The following GUCY1A2 variants were observed in gnomAD, a reference collection of about 807,000 sequenced individuals.
GUCY1A2 encodes the protein guanylate cyclase soluble subunit alpha-2.
A neutral mutation model predicts 63.5 loss-of-function variants in GUCY1A2; 27 were observed. That is an observed-to-expected ratio of 0.43 (90% CI 0.31 to 0.59). The LOEUF (loss-of-function observed/expected upper bound fraction) is 0.59. Among genes scored for constraint, GUCY1A2 ranks in the 20% least tolerant of loss-of-function variants. The pLI, the probability that GUCY1A2 is intolerant of heterozygous loss-of-function variation, is 0.11. For missense variants in GUCY1A2, 768 were observed against 913.3 expected, an observed-to-expected ratio of 0.84 and a Z score of 2.05; for synonymous variants, 364 against 343.5, an observed-to-expected ratio of 1.06 and a Z score of -0.66.
intron 6 of GUCY1A2, among the ~76,000 whole-genome samples, chr11:106,772,981 T>G (rs528928815): frequency 1.3e-5 from 2 of 152,332 alleles, no homozygotes; most frequent in East Asian, 3.9e-4. Context: ...TGCTCCATAT[T>G]TTCCCATTTT....
At chr11:106,774,444 T>C (rs955577980) in intron 6 of GUCY1A2, among the ~76,000 whole-genome samples, 1 of 152,150 alleles carries the variant, frequency 6.6e-6, no homozygotes, top group Admixed American at 6.5e-5. Flanking sequence ...ACTTTTATAA[T>C]TTATCAATTG....
intron 6 of GUCY1A2, among the ~76,000 whole-genome samples, chr11:106,717,851 G>A (rs2135360405): frequency 6.6e-6 from 1 of 151,990 alleles, no homozygotes; most frequent in Admixed American, 6.6e-5. Flanking sequence ...TTACATTTTT[G>A]TCTCATTCTT....
intron 6 of GUCY1A2, among the ~76,000 whole-genome samples, chr11:106,728,547 G>C (rs180984957): frequency 9.2e-5 from 14 of 152,158 alleles, no homozygotes; most frequent in African/African-American, 3.4e-4. Context: ...AAGCCATGTG[G>C]ATGTGCAGAT....
intron 7 of GUCY1A2, among the ~76,000 whole-genome samples, chr11:106,696,053 G>A (rs1862713294): frequency 6.6e-6 from 1 of 152,064 alleles, no homozygotes; most frequent in African/African-American, 2.4e-5. Context: ...TTAAGTATAG[G>A]TTCATACTCT....
intron 1 of GUCY1A2, among the ~76,000 whole-genome samples, chr11:107,002,388 GGTGT>G (rs71044205): frequency 3.6e-4 from 53 of 149,116 alleles, no homozygotes; most frequent in East Asian, 5.9e-4. Context: ...AATAAGAACA[GGTGT>G]GTGTGTGTGT....
chr11:106,691,133 CA>C (rs1182620454), intron 7 of GUCY1A2, among the ~76,000 whole-genome samples: 3 of 152,084 alleles, frequency 2.0e-5, no homozygotes, highest in Non-Finnish European at 4.4e-5. Flanking sequence ...TCATTGATGT[CA>C]ATCAATCAAA....
At chr11:106,978,597 T>C (rs546712606) in intron 3 of GUCY1A2, 22 bp downstream of exon 3, 4 of 1,392,206 alleles carry the variant, frequency 2.9e-6, no homozygotes, top group African/African-American at 1.5e-5. Flanking sequence ...CTCATCCATA[T>C]AAATATATAT....
chr11:107,015,683 A>G (rs187138777), intron 1 of GUCY1A2, among the ~76,000 whole-genome samples: 160 of 151,998 alleles, frequency 1.1e-3, no homozygotes, highest in Non-Finnish European at 1.7e-3. Context: ...CTGTTGTACT[A>G]AATAACTATT....
At chr11:106,933,743 T>C (rs1860637431) in intron 4 of GUCY1A2, among the ~76,000 whole-genome samples, 1 of 152,088 alleles carries the variant, frequency 6.6e-6, no homozygotes, top group Non-Finnish European at 1.5e-5. Context: ...TACATATATA[T>C]CATGGAATAT....
At chr11:106,929,827 T>G (rs1005484188) in intron 4 of GUCY1A2, among the ~76,000 whole-genome samples, 3 of 152,170 alleles carry the variant, frequency 2.0e-5, no homozygotes, top group African/African-American at 7.2e-5. Flanking sequence ...GGTTTTGCCT[T>G]CTGAAACAAA....
At chr11:106,780,512 A>T (rs1289997597) in intron 5 of GUCY1A2, among the ~76,000 whole-genome samples, 17 of 152,176 alleles carry the variant, frequency 1.1e-4, no homozygotes, top group South Asian at 1.0e-3. Flanking sequence ...AACAATGCTA[A>T]CAGAACCTCC....
chr11:106,733,961 T>C (rs1863546392), intron 6 of GUCY1A2, among the ~76,000 whole-genome samples: 2 of 152,152 alleles, frequency 1.3e-5, no homozygotes, highest in African/African-American at 4.8e-5. Context: ...TGGCCACATG[T>C]AGACTGTAGG....
At chr11:106,755,958 C>A (rs1863966014) in intron 6 of GUCY1A2, among the ~76,000 whole-genome samples, 1 of 152,162 alleles carries the variant, frequency 6.6e-6, no homozygotes, top group East Asian at 1.9e-4. Flanking sequence ...GTTAAATTCT[C>A]CGATTACTAA....
intron 3 of GUCY1A2, among the ~76,000 whole-genome samples, chr11:106,942,417 T>C (rs770519330): frequency 2.6e-5 from 4 of 152,198 alleles, no homozygotes; most frequent in Non-Finnish European, 5.9e-5. Flanking sequence ...TAAATTTATA[T>C]ACACATTCAA....
intron 4 of GUCY1A2, among the ~76,000 whole-genome samples, chr11:106,932,306 T>C (rs994157703): frequency 6.6e-6 from 1 of 152,176 alleles, no homozygotes; most frequent in East Asian, 1.9e-4. Flanking sequence ...TAATTCATCA[T>C]GTAATCATGT....
At chr11:106,751,400 C>A (rs1007527938) in intron 6 of GUCY1A2, among the ~76,000 whole-genome samples, 4 of 152,036 alleles carry the variant, frequency 2.6e-5, no homozygotes. Flanking sequence ...AAGACTCTTT[C>A]GAAGTTTTAT....
chr11:106,800,434 C>G (rs959004034), intron 5 of GUCY1A2, among the ~76,000 whole-genome samples: 4 of 152,140 alleles, frequency 2.6e-5, no homozygotes, highest in Non-Finnish European at 5.9e-5. Flanking sequence ...AAGACACATG[C>G]ACACATATGT....
At chr11:106,968,196 T>C (rs1296366426) in intron 3 of GUCY1A2, among the ~76,000 whole-genome samples, 1 of 152,168 alleles carries the variant, frequency 6.6e-6, no homozygotes, top group Non-Finnish European at 1.5e-5. Context: ...AATACAAAGT[T>C]CTGGTCTCTG....
chr11:106,883,553 G>C (rs918922976), intron 4 of GUCY1A2, among the ~76,000 whole-genome samples: 2 of 152,002 alleles, frequency 1.3e-5, no homozygotes, highest in Admixed American at 6.6e-5. Context: ...AGATATACCA[G>C]GCAATTTTTA....
Sources: allele counts gnomAD v4.1 joint callset (sites outside exome capture counted in the v4.1 genomes callset), GRCh38; gene constraint gnomAD v4.1.1; transcripts MANE v1.5; gene names NCBI Gene and HGNC (gene_info 2026-07-23, HGNC 2026-07-21).